Variants in CNTNAP2 observed in about 807,000 individuals in gnomAD.
CNTNAP2 encodes the protein contactin-associated protein-like 2.
Under a neutral mutation model 155.2 loss-of-function variants are expected in CNTNAP2, and 98 were observed. The observed-to-expected ratio is 0.63, with a 90% CI of 0.54 to 0.75. CNTNAP2 has a LOEUF of 0.75. CNTNAP2 is among the 30% of genes least tolerant of loss of function. The pLI, the probability that CNTNAP2 is intolerant of heterozygous loss-of-function variation, is 0.00. For synonymous variants in CNTNAP2, 651 were observed against 631.2 expected, an observed-to-expected ratio of 1.03 and a Z score of -0.47; for missense variants, 1,727 against 1,688.1, an observed-to-expected ratio of 1.02 and a Z score of -0.40.
chr7:147,904,170 A>C (rs975056815), intron 14 of CNTNAP2, among the ~76,000 whole-genome samples: 3 of 152,170 alleles, frequency 2.0e-5, no homozygotes, highest in Non-Finnish European at 2.9e-5. Flanking sequence ...GAGAGAAGGG[A>C]AAAAACAAAG....
chr7:147,124,800 T>A (rs1367906313), intron 6 of CNTNAP2, among the ~76,000 whole-genome samples: 1 of 151,670 alleles, frequency 6.6e-6, no homozygotes, highest in Non-Finnish European at 1.5e-5. Context: ...TTTCTGGAGA[T>A]GAACATCATG....
chr7:146,913,558 C>T (rs1796333432), intron 3 of CNTNAP2, among the ~76,000 whole-genome samples: 1 of 152,054 alleles, frequency 6.6e-6, no homozygotes, highest in African/African-American at 2.4e-5. Flanking sequence ...TGGTGGCCCT[C>T]TTTCGGCAAG....
At chr7:148,008,133 G>T (rs1802012062) in intron 15 of CNTNAP2, among the ~76,000 whole-genome samples, 2 of 151,936 alleles carry the variant, frequency 1.3e-5, no homozygotes, top group African/African-American at 2.4e-5. Context: ...GGAGGCCGAG[G>T]TGGGTAGATC....
chr7:146,696,263 C>A (rs1395479522), intron 1 of CNTNAP2, among the ~76,000 whole-genome samples: 2 of 152,056 alleles, frequency 1.3e-5, no homozygotes, highest in Admixed American at 1.3e-4. Flanking sequence ...TTATATTGCG[C>A]CTTCTGTGGA....
At chr7:148,277,599 A>G (rs1265747343) in intron 21 of CNTNAP2, among the ~76,000 whole-genome samples, 1 of 107,060 alleles carries the variant, frequency 9.3e-6, no homozygotes, top group Non-Finnish European at 2.1e-5. Context: ...GCCCCCCACC[A>G]CCACCGACCC....
intron 1 of CNTNAP2, among the ~76,000 whole-genome samples, chr7:146,409,874 C>G (rs1487781411): frequency 1.3e-5 from 2 of 152,094 alleles, no homozygotes; most frequent in African/African-American, 4.8e-5. Context: ...TGACATTTAC[C>G]ACTTCAAGGT....
intron 13 of CNTNAP2, among the ~76,000 whole-genome samples, chr7:147,818,686 T>G (rs1006471526): frequency 6.6e-6 from 1 of 152,220 alleles, no homozygotes; most frequent in Non-Finnish European, 1.5e-5. Flanking sequence ...CCTCAAAAAT[T>G]TAACAATGCT....
At chr7:147,043,004 A>C (rs567275495) in intron 3 of CNTNAP2, among the ~76,000 whole-genome samples, 7 of 152,232 alleles carry the variant, frequency 4.6e-5, no homozygotes, top group African/African-American at 1.4e-4. Flanking sequence ...AAATAGCACA[A>C]GCTTTCATTT....
chr7:147,083,544 A>ATGTG (rs1554435211), intron 4 of CNTNAP2, among the ~76,000 whole-genome samples: 2 of 129,368 alleles, frequency 1.5e-5, no homozygotes, highest in Non-Finnish European at 3.1e-5. Context: ...ATACATATAT[A>ATGTG]TATATGTATA....
At chr7:147,791,605 A>G (rs2116573713) in intron 13 of CNTNAP2, among the ~76,000 whole-genome samples, 1 of 152,186 alleles carries the variant, frequency 6.6e-6, no homozygotes, top group South Asian at 2.1e-4. Context: ...AGGGACAAGG[A>G]TAGTAACCCA....
chr7:146,189,706 A>C (rs1401205979), intron 1 of CNTNAP2, among the ~76,000 whole-genome samples: 2 of 152,144 alleles, frequency 1.3e-5, no homozygotes, highest in African/African-American at 4.8e-5. Flanking sequence ...TGGAGGTGAC[A>C]TTTTGCAGGT....
chr7:146,951,950 G>C (rs1396775944), intron 3 of CNTNAP2, among the ~76,000 whole-genome samples: 2 of 151,954 alleles, frequency 1.3e-5, no homozygotes, highest in Non-Finnish European at 2.9e-5. Flanking sequence ...ACATCATCCT[G>C]ATACCAAAAC....
chr7:147,396,152 A>G (rs1435008717), intron 10 of CNTNAP2, among the ~76,000 whole-genome samples: 1 of 134,286 alleles, frequency 7.4e-6, no homozygotes, highest in Non-Finnish European at 1.5e-5. Flanking sequence ...TATGATAAAT[A>G]TATATGAGAT....
intron 1 of CNTNAP2, among the ~76,000 whole-genome samples, chr7:146,696,457 C>G (rs1800784395): frequency 6.6e-6 from 1 of 152,080 alleles, no homozygotes; most frequent in East Asian, 1.9e-4. Context: ...TTTTATTGAA[C>G]TTTTCAAAGA....
At chr7:146,449,787 A>G (rs1796451610) in intron 1 of CNTNAP2, among the ~76,000 whole-genome samples, 3 of 152,186 alleles carry the variant, frequency 2.0e-5, no homozygotes, top group Non-Finnish European at 4.4e-5. Flanking sequence ...GACAAGCTTT[A>G]GTTGACAGTC....
intron 10 of CNTNAP2, among the ~76,000 whole-genome samples, chr7:147,436,776 TTA>T (rs1554484371): frequency 6.6e-6 from 1 of 152,150 alleles, no homozygotes; most frequent in Non-Finnish European, 1.5e-5. Context: ...GGAGGTAGTT[TTA>T]CAACTTAGAG....
intron 3 of CNTNAP2, among the ~76,000 whole-genome samples, chr7:146,914,394 T>C (rs1333147804): frequency 6.6e-6 from 1 of 152,164 alleles, no homozygotes; most frequent in Admixed American, 6.6e-5. Context: ...GTAGTTGTCC[T>C]AGTTTTCCTT....
At chr7:148,022,514 T>C (rs1430075205) in intron 15 of CNTNAP2, among the ~76,000 whole-genome samples, 1 of 150,238 alleles carries the variant, frequency 6.7e-6, no homozygotes, top group African/African-American at 2.4e-5. Context: ...TCTGTAAGAA[T>C]ATCCAGTGTG....
intron 13 of CNTNAP2, among the ~76,000 whole-genome samples, chr7:147,640,949 C>T (rs564451379): frequency 2.6e-5 from 4 of 152,288 alleles, no homozygotes; most frequent in South Asian, 2.1e-4. Flanking sequence ...CCCACCCTAG[C>T]CTTTTAATAT....
Sources: allele counts gnomAD v4.1 joint callset (sites outside exome capture counted in the v4.1 genomes callset), GRCh38; gene constraint gnomAD v4.1.1; transcripts MANE v1.5; gene names NCBI Gene and HGNC (gene_info 2026-07-23, HGNC 2026-07-21).